ARHGAP15: variants seen among roughly 807,000 people sequenced by gnomAD.
ARHGAP15 encodes the protein Rho GTPase activating protein 15, also known as rho GTPase-activating protein 15.
In ARHGAP15, 51 loss-of-function variants were observed where a neutral mutation model predicts 63.7. The observed-to-expected ratio is 0.80, with a 90% confidence interval of 0.64 to 1.01. The LOEUF is 1.01. Ranked by LOEUF, ARHGAP15 falls within the 50% of genes least tolerant of loss-of-function variation. The pLI is 0.00. For missense variants in ARHGAP15, 560 were observed against 564.6 expected, an observed-to-expected ratio of 0.99 and a Z score of 0.08; for synonymous variants, 191 against 193.8, an observed-to-expected ratio of 0.99 and a Z score of 0.12.
intron 6 of ARHGAP15, among the ~76,000 whole-genome samples, chr2:143,347,984 A>G (rs964063547): frequency 6.6e-6 from 1 of 152,134 alleles, no homozygotes; most frequent in African/African-American, 2.4e-5. Flanking sequence ...TACCCTAATA[A>G]ATCAGAGTGA....
At chr2:143,212,762 T>A (rs1205102362) in intron 3 of ARHGAP15, among the ~76,000 whole-genome samples, 1 of 152,102 alleles carries the variant, frequency 6.6e-6, no homozygotes, top group Non-Finnish European at 1.5e-5. Flanking sequence ...TGCATAGCAA[T>A]CTTTTGCTTG....
intron 13 of ARHGAP15, among the ~76,000 whole-genome samples, chr2:143,708,937 TCCTAGAATCTTATCAACTACATATCCA>T (rs1340049585): frequency 6.6e-6 from 1 of 152,144 alleles, no homozygotes; most frequent in Admixed American, 6.5e-5. Context: ...ATATAAACAC[TCCTAGAATCTTATCAACTACATATCCA>T]CCTAGAATCT....
At chr2:143,689,145 ACTT>A (rs1683481189) in intron 12 of ARHGAP15, among the ~76,000 whole-genome samples, 1 of 151,972 alleles carries the variant, frequency 6.6e-6, no homozygotes, top group Non-Finnish European at 1.5e-5. Flanking sequence ...TTCTGGGAAA[ACTT>A]CTCTGGTTTG....
rs1680198075 is a variant in ARHGAP15, at chr2:143,252,340, T to C, written c.474+1740T>C. Among the ~76,000 whole-genome samples, 3 of 152,210 alleles carry C rather than the reference T, an allele frequency of 2.0e-5. No homozygotes were observed. The South Asian group carries it at 6.2e-4, about 32-fold the overall frequency. Reference sequence around the variant, plus strand: ...TTGACAGTGTGTATCATCCCAATCTTTTCAGGATATGACTAATCACCTCCT... The same window carrying C: ...TTGACAGTGTGTATCATCCCAATCTCTTCAGGATATGACTAATCACCTCCT... On this transcript the variant is annotated intron_variant, in intron 6 of 13. Coordinates refer to ENST00000295095, the MANE Select transcript of ARHGAP15 (RefSeq NM_018460.4).
At chr2:143,603,412 G>A (rs1348279728) in intron 11 of ARHGAP15, among the ~76,000 whole-genome samples, 2 of 152,140 alleles carry the variant, frequency 1.3e-5, no homozygotes, top group African/African-American at 4.8e-5. Flanking sequence ...CTGTTTGGAC[G>A]CAGCTGCAGG....
At chr2:143,239,371 G>T (rs549109324) in intron 5 of ARHGAP15, among the ~76,000 whole-genome samples, 2 of 152,140 alleles carry the variant, frequency 1.3e-5, no homozygotes, top group Non-Finnish European at 2.9e-5. Flanking sequence ...TAGTTACCAT[G>T]CTGTACAATG....
chr2:143,420,417 G>A (rs1447660735), intron 6 of ARHGAP15, among the ~76,000 whole-genome samples: 2 of 152,160 alleles, frequency 1.3e-5, no homozygotes, highest in Admixed American at 1.3e-4. Context: ...TGTATCTGAA[G>A]TACACCAGCT....
intron 4 of ARHGAP15, among the ~76,000 whole-genome samples, chr2:143,221,249 CTTTA>C (rs1028557064): frequency 6.6e-6 from 1 of 151,790 alleles, no homozygotes; most frequent in African/African-American, 2.4e-5. Flanking sequence ...TTTTATGTGT[CTTTA>C]TTTGTCTCTT....
intron 6 of ARHGAP15, among the ~76,000 whole-genome samples, chr2:143,316,161 G>T (rs1189517747): frequency 6.6e-6 from 1 of 151,958 alleles, no homozygotes; most frequent in Non-Finnish European, 1.5e-5. Context: ...GTTCCAGACG[G>T]GGCATTATTT....
intron 1 of ARHGAP15, among the ~76,000 whole-genome samples, chr2:143,154,015 G>T (rs868048132): frequency 1.3e-5 from 2 of 150,350 alleles, no homozygotes; most frequent in Admixed American, 6.6e-5. Flanking sequence ...TGTTTTCATT[G>T]CATAAATTAA....
rs77541682 is a variant in ARHGAP15, at chr2:143,400,027, A to G, written c.475-35574A>G. Among the ~76,000 whole-genome samples the G allele has an allele frequency of 8.2e-3, 1,247 of 152,172 alleles. 13 individuals carry two copies. The highest frequency in any genetic ancestry group is 0.014 in the Non-Finnish European group (931 of 67,976). On this transcript the variant is annotated intron_variant, in intron 6 of 13. Coordinates refer to ENST00000295095, the MANE Select transcript of ARHGAP15 (RefSeq NM_018460.4). ...ATCAGCACACACCCAAGTCTAGTTC[A>G]TATCACTAGGTGGTTCTGTGAACTG... is the stretch of plus-strand genomic sequence containing the variant.
At chr2:143,492,778 C>T (rs1287199642) in intron 9 of ARHGAP15, among the ~76,000 whole-genome samples, 12 of 150,348 alleles carry the variant, frequency 8.0e-5, no homozygotes, top group Non-Finnish European at 1.2e-4. Context: ...ATCAATCATC[C>T]GGGCGTGGTG....
At chr2:143,548,276 G>T (rs1485654337) in intron 10 of ARHGAP15, among the ~76,000 whole-genome samples, 1 of 152,036 alleles carries the variant, frequency 6.6e-6, no homozygotes, top group Non-Finnish European at 1.5e-5. Flanking sequence ...TTGCCCAAGT[G>T]TTCAAAGAAA....
intron 11 of ARHGAP15, among the ~76,000 whole-genome samples, chr2:143,574,330 A>T (rs1696583166): frequency 6.6e-6 from 1 of 152,170 alleles, no homozygotes; most frequent in African/African-American, 2.4e-5. Flanking sequence ...CTTATTGTAG[A>T]AAGAGCCTAA....
At chr2:143,246,067 G>C (rs1442995852) in intron 5 of ARHGAP15, among the ~76,000 whole-genome samples, 1 of 152,162 alleles carries the variant, frequency 6.6e-6, no homozygotes, top group East Asian at 1.9e-4. Flanking sequence ...GAAAAAATGA[G>C]TGTGGAGGGG....
intron 9 of ARHGAP15, among the ~76,000 whole-genome samples, chr2:143,505,423 ATGT>A (rs762307179): frequency 2.0e-5 from 3 of 152,194 alleles, no homozygotes; most frequent in Non-Finnish European, 2.9e-5. Context: ...TGTTTTGGAA[ATGT>A]TGTTGCATTG....
At chr2:143,160,254 C>A (rs1690237231) in intron 2 of ARHGAP15, among the ~76,000 whole-genome samples, 1 of 151,952 alleles carries the variant, frequency 6.6e-6, no homozygotes. Flanking sequence ...GATTCAAGAA[C>A]AAGCCTTATG....
chr2:143,432,140 C>T (rs781031230), intron 6 of ARHGAP15, among the ~76,000 whole-genome samples: 6 of 151,878 alleles, frequency 4.0e-5, no homozygotes, highest in African/African-American at 1.5e-4. Flanking sequence ...GATTCTTTAT[C>T]TTTATTTTTC....
intron 1 of ARHGAP15, among the ~76,000 whole-genome samples, chr2:143,142,533 A>G (rs1046724307): frequency 6.6e-6 from 1 of 152,140 alleles, no homozygotes; most frequent in Non-Finnish European, 1.5e-5. Context: ...TAAAAGTTTA[A>G]CTTGACTAAG....
Sources: gnomAD v4.1 joint callset for allele counts (sites outside exome capture counted in the v4.1 genomes callset) on GRCh38, gnomAD v4.1.1 for gene constraint, MANE v1.5 for transcripts, NCBI Gene and HGNC (gene_info 2026-07-23, HGNC 2026-07-21) for gene names.